Variants in MGAT4C observed in about 807,000 individuals in gnomAD.
MGAT4C encodes the protein MGAT4 family member C.
MGAT4C carries 19 observed loss-of-function variants against 40.1 expected under a neutral mutation model. That is an observed-to-expected ratio of 0.47 (90% CI 0.33 to 0.70). MGAT4C has a LOEUF of 0.70. Among genes scored for constraint, MGAT4C ranks in the 30% least tolerant of loss-of-function variants. The probability of loss-of-function intolerance (pLI) is 0.02; values close to 1 mark genes in which losing one functional copy is unlikely to be tolerated. For missense variants in MGAT4C, 491 were observed against 563.2 expected, an observed-to-expected ratio of 0.87 and a Z score of 1.30; for synonymous variants, 181 against 187.1, an observed-to-expected ratio of 0.97 and a Z score of 0.27.
intron 1 of MGAT4C, among the ~76,000 whole-genome samples, chr12:86,111,610 C>G (rs2135643975): frequency 6.6e-6 from 1 of 151,690 alleles, no homozygotes; most frequent in Non-Finnish European, 1.5e-5. Context: ...TGCTTGATTC[C>G]CTTGATTAGT....
chr12:86,032,819 T>G (rs1210660419), intron 2 of MGAT4C, among the ~76,000 whole-genome samples: 2 of 149,996 alleles, frequency 1.3e-5, no homozygotes, highest in Non-Finnish European at 3.0e-5. Context: ...TTTTAGCATC[T>G]TTGTCATGAA....
chr12:86,255,084 A>G (rs1337738591), intron 1 of MGAT4C, among the ~76,000 whole-genome samples: 1 of 152,134 alleles, frequency 6.6e-6, no homozygotes, highest in Non-Finnish European at 1.5e-5. Flanking sequence ...CAGTAAAAAT[A>G]AATCTAAAAA....
intron 2 of MGAT4C, among the ~76,000 whole-genome samples, chr12:86,678,496 G>A (rs976984026): frequency 1.3e-5 from 2 of 151,036 alleles, no homozygotes; most frequent in African/African-American, 4.9e-5. Flanking sequence ...AGTTACATAT[G>A]TATACATGTG....
chr12:86,627,096 C>G (rs59126740), intron 2 of MGAT4C, among the ~76,000 whole-genome samples: 5 of 152,184 alleles, frequency 3.3e-5, no homozygotes, highest in African/African-American at 1.2e-4. Context: ...TGGTCCCATG[C>G]CCACAGAGCC....
chr12:86,567,841 T>C (rs1334980473), intron 2 of MGAT4C, among the ~76,000 whole-genome samples: 2 of 152,182 alleles, frequency 1.3e-5, no homozygotes, highest in Non-Finnish European at 2.9e-5. Flanking sequence ...ACAAGGAAAA[T>C]GTCTTCATTT....
At chr12:86,444,408 C>T (rs971559878) in intron 2 of MGAT4C, among the ~76,000 whole-genome samples, 10 of 152,114 alleles carry the variant, frequency 6.6e-5, no homozygotes, top group South Asian at 2.1e-4. Context: ...TAATCTTCTC[C>T]GGTTCCATGG....
rs925560111 is a variant in MGAT4C, at chr12:86,332,652, T to TTG, written c.-57+1411_-57+1412dup. On this transcript the variant is annotated intron_variant, in intron 4 of 7. Transcript: ENST00000548651. ...ATCTTTACTTTTTAAAGGTTTTTTT[T>TTG]TGTGTGTGTGTGTGAGACTTGCTTC... 1.6e-3 allele frequency among the ~76,000 whole-genome samples: 249 copies of TTG among 151,892 alleles called. 2 individuals carry two copies. The highest frequency in any genetic ancestry group is 2.3e-3 in the East Asian group (12 of 5,166).
intron 1 of MGAT4C, among the ~76,000 whole-genome samples, chr12:86,204,294 G>C (rs1020180292): frequency 6.6e-6 from 1 of 152,020 alleles, no homozygotes; most frequent in Non-Finnish European, 1.5e-5. Context: ...TATAGTATGT[G>C]AGTGAATTTA....
At chr12:86,585,200 CTCCTT>C (rs1360062073) in intron 2 of MGAT4C, among the ~76,000 whole-genome samples, 2 of 151,346 alleles carry the variant, frequency 1.3e-5, no homozygotes, top group Non-Finnish European at 3.0e-5. Context: ...AAATGGGACT[CTCCTT>C]TCTTTCCAAG....
intron 2 of MGAT4C, among the ~76,000 whole-genome samples, chr12:86,479,961 AG>A (rs1392747778): frequency 6.6e-6 from 1 of 151,882 alleles, no homozygotes; most frequent in East Asian, 1.9e-4. Context: ...GGAAAGAGAA[AG>A]GATCCTAAGT....
chr12:86,495,420 A>G (rs376545873), intron 2 of MGAT4C: 1 of 152,098 alleles, frequency 6.6e-6, no homozygotes, highest in African/African-American at 2.4e-5. Context: ...CAACCACAAC[A>G]GCTCAGTGGC....
At chr12:86,625,778 A>G (rs1348920589) in intron 2 of MGAT4C, among the ~76,000 whole-genome samples, 1 of 152,178 alleles carries the variant, frequency 6.6e-6, no homozygotes, top group East Asian at 1.9e-4. Context: ...GAAATAGGAA[A>G]AGTAAAATGG....
At chr12:86,041,674 G>T (rs1214901221) in intron 2 of MGAT4C, among the ~76,000 whole-genome samples, 1 of 152,106 alleles carries the variant, frequency 6.6e-6, no homozygotes, top group Non-Finnish European at 1.5e-5. Context: ...TAGTGCTGTG[G>T]TCTGATTCTG....
chr12:86,135,590 T>G (rs145099233), intron 1 of MGAT4C, among the ~76,000 whole-genome samples: 561 of 152,286 alleles, frequency 3.7e-3, no homozygotes, highest in African/African-American at 0.013. Flanking sequence ...AGTTATGAAC[T>G]ATACCTGCCT....
intron 1 of MGAT4C, among the ~76,000 whole-genome samples, chr12:86,791,817 T>C (rs1952027622): frequency 6.6e-6 from 1 of 152,104 alleles, no homozygotes; most frequent in Non-Finnish European, 1.5e-5. Context: ...AGAAGACCTC[T>C]GAAAAGAAAC....
At chr12:86,341,412 G>A (rs1566302971) in intron 3 of MGAT4C, among the ~76,000 whole-genome samples, 1 of 152,162 alleles carries the variant, frequency 6.6e-6, no homozygotes, top group Non-Finnish European at 1.5e-5. Flanking sequence ...TAGATACTTC[G>A]ACTTTCTGGC....
In MGAT4C at chr12:86,618,943, G is replaced by A. The variant is rs116088993; in HGVS notation, c.-229+108266C>T. Among the ~76,000 whole-genome samples the A allele has an allele frequency of 1.0e-3, 157 of 151,514 alleles. 2 individuals are homozygous for A. Among genetic ancestry groups the A allele is most frequent in the African/African-American group, 3.6e-3 (149 of 41,300 alleles). On this transcript the variant is annotated intron_variant, in intron 2 of 7. Coordinates refer to the MGAT4C transcript ENST00000548651. ...AATATCACATGTACCACATAAATAT[G>A]TACAAATATTATATAACAATAAAAT...
At position 85,998,007 on chromosome 12, in the gene MGAT4C, G is replaced by A. The variant is rs149537140; in HGVS notation, c.-6-8455C>T. Among the ~76,000 whole-genome samples the A allele has an allele frequency of 3.5e-3, 535 of 152,334 alleles. 2 individuals carry two copies. Among genetic ancestry groups the A allele is most frequent in the African/African-American group, 0.012 (512 of 41,584 alleles). ...TCTCTATGAGGGCCCTGCCCCTGCA[G>A]CAAACTTCTATCTGGATATCCAGGT... On this transcript the variant is annotated intron_variant, in intron 2 of 4. Coordinates refer to ENST00000611864, the MANE Select transcript of MGAT4C (RefSeq NM_001351288.2).
intron 2 of MGAT4C, among the ~76,000 whole-genome samples, chr12:86,723,820 T>C (rs1043490721): frequency 4.6e-5 from 7 of 152,216 alleles, no homozygotes; most frequent in African/African-American, 1.7e-4. Flanking sequence ...GTAACATTTT[T>C]CAGTTCTCTG....
Sources: allele counts gnomAD v4.1 joint callset (sites outside exome capture counted in the v4.1 genomes callset), GRCh38; gene constraint gnomAD v4.1.1; transcripts MANE v1.5; gene names NCBI Gene and HGNC (gene_info 2026-07-23, HGNC 2026-07-21).